BAHCC1: variants seen among roughly 807,000 people sequenced by gnomAD.
The protein encoded by BAHCC1 is BAH and coiled-coil domain-containing protein 1.
BAHCC1 carries 43 observed loss-of-function variants against 88.2 expected under a neutral mutation model. The observed-to-expected ratio is 0.49, with a 90% CI of 0.38 to 0.63. The LOEUF (loss-of-function observed/expected upper bound fraction) is 0.63, where lower values mean the gene tolerates loss of function less well. Among genes scored for constraint, BAHCC1 ranks in the 20% least tolerant of loss-of-function variants. BAHCC1 has a pLI of 0.00. For missense variants in BAHCC1, 3,023 were observed against 1,654.8 expected (o/e 1.83, Z -14.34); for synonymous variants, 1,510 against 745.5 (o/e 2.03, Z -16.71).
chr17:81,455,201 G>A lies in BAHCC1; in HGVS notation c.4446-66G>A, dbSNP rs996954069. The A allele has an allele frequency of 3.6e-5, 25 of 691,956 alleles. No homozygotes were observed. In the African/African-American group the frequency reaches 4.2e-4, roughly 12 times the overall value. 42.9% of individuals were successfully genotyped at this position (691,956 alleles called of 1,614,324 possible). On this transcript the variant is annotated intron_variant, in intron 14 of 27. Transcript: ENST00000675386. ...CACAGTGTGACCCACTACAGAGACA[G>A]TAGGGGGACAAGGCTGGGGCGGCCG...
chr17:81,427,839 G>A (rs1010137603), intron 3 of BAHCC1, among the ~76,000 whole-genome samples: 7 of 152,204 alleles, frequency 4.6e-5, no homozygotes, highest in East Asian at 3.8e-4. Context: ...GCTGAGCGGC[G>A]GGCGTCGTGT....
chr17:81,458,212 C>T lies in BAHCC1; in HGVS notation c.5089C>T (p.Arg1697Trp), dbSNP rs782591995. ...TGAGAGTGAGGTCAAGATCAAGAGG[C>T]GGTCGGTGAAGGCCAAGGTGGGCAC... is the stretch of plus-strand genomic sequence containing the variant. ...SPESEVKIKR[R>W]SVKAKVGTTL... Residue 1697 changes from arginine to tryptophan, a missense_variant, in exon 18 of 28, where the codon CGG (arginine) becomes TGG (tryptophan). Arg to Trp is a moderately radical substitution (Grantham distance 101). Coordinates refer to ENST00000675386, the MANE Select transcript of BAHCC1 (RefSeq NM_001377448.1). The T allele has an allele frequency of 9.6e-6, 7 of 730,216 alleles. No individual in the cohort carries two copies. Among genetic ancestry groups the T allele is most frequent in the Admixed American group, 3.9e-5 (2 of 51,642 alleles). The allele number at this position is 730,216 out of a possible 1,614,324, so 45.2% of individuals were successfully genotyped here. A position where few individuals can be genotyped will look rare whatever the true frequency, so the allele number is the denominator to read the frequency against.
At chr17:81,440,860 C>T (rs1255172680) in intron 4 of BAHCC1, among the ~76,000 whole-genome samples, 2 of 152,212 alleles carry the variant, frequency 1.3e-5, no homozygotes, top group Admixed American at 6.5e-5. Context: ...GCCTGAGACA[C>T]CCAGATGAGA....
rs549692273 is a variant in BAHCC1 at position 81,434,133 on chromosome 17, G to A, written c.359-4237G>A. On this transcript the variant is annotated intron_variant, in intron 3 of 27. Coordinates refer to ENST00000675386, the MANE Select transcript of BAHCC1 (RefSeq NM_001377448.1). The surrounding 1 kb of genome is among the most constrained non-coding windows in gnomAD (Gnocchi z 4.9). ...GGATCTGGCAGAGTTGGCAGGAGGT[G>A]GGGGAGGGGTGTCTGCTTCTGAGCC... 3.2e-4 allele frequency among the ~76,000 whole-genome samples: 49 copies of A among 152,300 alleles called. No homozygotes were observed. The highest frequency in any genetic ancestry group is 1.1e-3 in the African/African-American group (47 of 41,570).
chr17:81,459,054 C>A lies in BAHCC1; in HGVS notation c.5606C>A (p.Ala1869Glu). Residue 1869 changes from alanine (A) to glutamate (E), a missense_variant and splice_region_variant, in exon 21 of 28, where the codon GCG (alanine) becomes GAG (glutamate). By Grantham distance (107) the Ala-to-Glu change is moderately radical. Transcript: ENST00000675386. ...GGCCGCTGACACCTTGTGCCCACAG[C>A]GCGCTCGTGTGCCATCCACAAGGAG... ...PLSAEQSAAL[A>E]RSCAIHKEDL... 1 of 754,166 alleles carries A rather than the reference C, an allele frequency of 1.3e-6. No homozygotes were observed. The highest frequency in any genetic ancestry group is 2.5e-6 in the Non-Finnish European group (1 of 406,122). 46.7% of individuals were successfully genotyped at this position (754,166 alleles called of 1,614,324 possible). A position where few individuals can be genotyped will look rare whatever the true frequency, so the allele number is the denominator to read the frequency against.
intron 2 of BAHCC1, among the ~76,000 whole-genome samples, chr17:81,416,822 G>A (rs1555648809): frequency 6.6e-6 from 1 of 152,224 alleles, no homozygotes; most frequent in Non-Finnish European, 1.5e-5. Context: ...CTCGCAGCCT[G>A]TGGCTGGTCC....
At chr17:81,414,958 G>A (rs1415782180) in intron 2 of BAHCC1, among the ~76,000 whole-genome samples, 1 of 152,214 alleles carries the variant, frequency 6.6e-6, no homozygotes, top group Non-Finnish European at 1.5e-5. Context: ...CCGCCACGGT[G>A]TACTATCCTC....
chr17:81,458,740 C>G lies in BAHCC1; in HGVS notation c.5448+15C>G. 1 of 739,966 alleles carries G rather than the reference C, an allele frequency of 1.4e-6. No individual in the cohort carries two copies. The highest frequency in any genetic ancestry group is 1.4e-5 in the South Asian group (1 of 69,742). The allele number at this position is 739,966 out of a possible 1,614,324, so 45.8% of individuals were successfully genotyped here. A position where few individuals can be genotyped will look rare whatever the true frequency, so the allele number is the denominator to read the frequency against. ...CCGGCAAGCAGGTAGCAGCCCCCCA[C>G]TCTGGGAGCCCACTGTGCACCCACC... On this transcript the variant is annotated intron_variant, in intron 19 of 27. Coordinates refer to ENST00000675386, the MANE Select transcript of BAHCC1 (RefSeq NM_001377448.1).
At chr17:81,439,714 G>A (rs1555652219) in intron 4 of BAHCC1, among the ~76,000 whole-genome samples, 1 of 151,870 alleles carries the variant, frequency 6.6e-6, no homozygotes, top group Non-Finnish European at 1.5e-5. Flanking sequence ...CAGGGTGGGG[G>A]CAGAGGAGAG....
chr17:81,396,233 G>A (rs1429679042), intron 1 of BAHCC1: 1 of 152,280 alleles, frequency 6.6e-6, no homozygotes, highest in Non-Finnish European at 1.5e-5. Context: ...TAGGGGCCGG[G>A]GAGGGGAATG....
At position 81,399,552 on chromosome 17, in the gene BAHCC1, G is replaced by C. The variant is rs1555645583; in HGVS notation, c.-188G>C. The C allele has an allele frequency of 2.6e-6, 1 of 386,636 alleles. No homozygotes were observed. The highest frequency in any genetic ancestry group is 3.1e-5 in the Admixed American group (1 of 32,594). The allele number at this position is 386,636 out of a possible 1,614,324, so 24.0% of individuals were successfully genotyped here. On this transcript the variant is annotated 5_prime_UTR_variant, in exon 2 of 28. Transcript: ENST00000675386. The surrounding 1 kb of genome is among the most constrained non-coding windows in gnomAD (Gnocchi z 4.5). ...TCCACAGACCATGGACCCGCACAGC[G>C]GCCGCTGGCTCGGTGCGCGGCCGCC...
In BAHCC1 at chr17:81,462,030, C is replaced by T. The variant is rs782680367; in HGVS notation, c.7367C>T (p.Ser2456Leu). The change falls in exon 26 of 28, where the codon TCG (serine) becomes TTG (leucine). Residue 2456 changes from serine (S) to leucine (L), a missense_variant. Coordinates refer to ENST00000675386, the MANE Select transcript of BAHCC1 (RefSeq NM_001377448.1). ...FLPARQLWKW[S>L]GNPTQRRGMK... ...CCCGCCCGGCAGCTCTGGAAGTGGTCGGGGAATCCCACACAGGTAGGTCCA... is the reference window on the plus strand; with the variant it reads ...CCCGCCCGGCAGCTCTGGAAGTGGTTGGGGAATCCCACACAGGTAGGTCCA... 1.2e-5 allele frequency: 9 copies of T among 776,462 alleles called. No individual in the cohort carries two copies. The highest frequency in any genetic ancestry group is 8.5e-5 in the Admixed American group (5 of 58,742). The allele number at this position is 776,462 out of a possible 1,614,324, so 48.1% of individuals were successfully genotyped here.
chr17:81,453,968 G>A (rs1039090737), intron 14 of BAHCC1, among the ~76,000 whole-genome samples: 7 of 152,250 alleles, frequency 4.6e-5, no homozygotes, highest in South Asian at 4.1e-4. Flanking sequence ...AGCCTCCTCT[G>A]TGAGCAGGAA....
Position 81,435,385 on chromosome 17 carries a change from G to A in BAHCC1, c.359-2985G>A, listed in dbSNP as rs1240884971. ...CACCGCAGTAGCAGGGGCAGGATGTGGGGACCTCGGTGCGACCCCCACTGC... is the reference window on the plus strand; with the variant it reads ...CACCGCAGTAGCAGGGGCAGGATGTAGGGACCTCGGTGCGACCCCCACTGC... On this transcript the variant is annotated intron_variant, in intron 3 of 27. Transcript: ENST00000675386. The surrounding 1 kb of genome is among the most constrained non-coding windows in gnomAD (Gnocchi z 4.4). 2.2e-6 allele frequency: 1 copy of A among 464,314 alleles called. No individual in the cohort carries two copies. The highest frequency in any genetic ancestry group is 4.4e-6 in the Non-Finnish European group (1 of 226,406). The allele number at this position is 464,314 out of a possible 1,614,324, so 28.8% of individuals were successfully genotyped here.
At position 81,445,062 on chromosome 17, in the gene BAHCC1, C is replaced by T. The variant is rs949403931; in HGVS notation, c.2719C>T (p.Arg907Trp). The change falls in exon 9 of 28, where the codon CGG (arginine) becomes TGG (tryptophan). Residue 907 changes from arginine to tryptophan, a missense_variant. Coordinates refer to ENST00000675386, the MANE Select transcript of BAHCC1 (RefSeq NM_001377448.1). ...ACTGTGGCCCCCCATGTACGGGGGC[C>T]GGGGCCCCGCCTCTCACATGCAGCA... is the stretch of plus-strand genomic sequence containing the variant. ...ASLWPPMYGG[R>W]GPASHMQHPG... is the part of the protein sequence containing the mutation. 6 of 761,474 alleles carry T rather than the reference C, an allele frequency of 7.9e-6. No homozygotes were observed. The highest frequency in any genetic ancestry group is 1.7e-5 in the African/African-American group (1 of 58,744). 47.2% of individuals were successfully genotyped at this position (761,474 alleles called of 1,614,324 possible).
chr17:81,425,971 T>A (rs1295355032), intron 2 of BAHCC1, among the ~76,000 whole-genome samples: 1 of 139,510 alleles, frequency 7.2e-6, no homozygotes, highest in Admixed American at 7.2e-5. Flanking sequence ...TGGTTGGTGG[T>A]GATAGTGGTG....
chr17:81,403,407 G>T (rs1555646368), intron 2 of BAHCC1, among the ~76,000 whole-genome samples: 1 of 152,002 alleles, frequency 6.6e-6, no homozygotes, highest in African/African-American at 2.4e-5. Flanking sequence ...TGGGAGAAAG[G>T]CGAAGGCTCC....
In BAHCC1 at chr17:81,447,539, G is replaced by A; in HGVS notation, c.3667G>A (p.Glu1223Lys). The A allele has an allele frequency of 1.3e-6, 1 of 756,030 alleles. No homozygotes were observed. The highest frequency in any genetic ancestry group is 2.5e-6 in the Non-Finnish European group (1 of 406,552). The allele number at this position is 756,030 out of a possible 1,614,324, so 46.8% of individuals were successfully genotyped here. ...GGACGAGGGGGAGCAGCCGGCCCCT[G>A]AGGAGGACGAGCTGGAGGAAGACGA... is the stretch of plus-strand genomic sequence containing the variant. ...LEDEGEQPAP[E>K]EDELEEDELG... is the part of the protein sequence containing the mutation. Residue 1223 changes from glutamate (E) to lysine (K), a missense_variant, in exon 11 of 28, where the codon GAG becomes AAG. Physicochemically the swap from Glu to Lys is moderately conservative, Grantham distance 56. Coordinates refer to ENST00000675386, the MANE Select transcript of BAHCC1 (RefSeq NM_001377448.1).
intron 27 of BAHCC1, 52 bp downstream of exon 27, chr17:81,463,028 G>T: frequency 1.3e-6 from 1 of 749,052 alleles, no homozygotes; most frequent in Non-Finnish European, 2.5e-6. Flanking sequence ...CCCAGGGAGG[G>T]GACACGACAG....
Sources: allele counts gnomAD v4.1 joint callset (sites outside exome capture counted in the v4.1 genomes callset), GRCh38; gene constraint gnomAD v4.1.1; non-coding constraint Gnocchi (gnomAD v3.1); transcripts MANE v1.5; gene names NCBI Gene and HGNC (gene_info 2026-07-23, HGNC 2026-07-21).